Variants in UNC13C observed in about 807,000 individuals in gnomAD.
UNC13C encodes the protein unc-13 homolog C.
In UNC13C, 174 loss-of-function variants were observed where a neutral mutation model predicts 245.4. The observed-to-expected ratio is 0.71, with a 90% CI of 0.63 to 0.80. The LOEUF (loss-of-function observed/expected upper bound fraction) is 0.80, where lower values mean the gene tolerates loss of function less well. Ranked by LOEUF, UNC13C falls within the 30% of genes least tolerant of loss-of-function variation. The pLI is 0.00. For missense variants in UNC13C, 2,829 were observed against 2,602.9 expected (o/e 1.09, Z -1.89); for synonymous variants, 992 against 895.1 (o/e 1.11, Z -1.93).
intron 2 of UNC13C, among the ~76,000 whole-genome samples, chr15:54,039,565 A>G (rs1020872019): frequency 6.6e-6 from 1 of 151,916 alleles, no homozygotes; most frequent in Non-Finnish European, 1.5e-5. Flanking sequence ...CTAAGCCTGC[A>G]GTGTTCCAGG....
At chr15:54,115,479 G>A (rs1193216102) in intron 2 of UNC13C, among the ~76,000 whole-genome samples, 1 of 151,768 alleles carries the variant, frequency 6.6e-6, no homozygotes, top group Non-Finnish European at 1.5e-5. Flanking sequence ...ACACTTCACA[G>A]GTACCATTTT....
chr15:53,909,165 C>T, the UNC13C span, among the ~76,000 whole-genome samples: 8 of 146,688 alleles, frequency 5.5e-5, 1 homozygote, highest in Non-Finnish European at 1.1e-4. Context: ...CAGAGAAAAT[C>T]GCCATCGCTA....
At chr15:54,503,866 T>G (rs1894345178) in intron 22 of UNC13C, among the ~76,000 whole-genome samples, 1 of 152,132 alleles carries the variant, frequency 6.6e-6, no homozygotes, top group Admixed American at 6.6e-5. Context: ...AAAATCCCAT[T>G]ATCTTTATGG....
Position 54,294,068 on chromosome 15 carries a change from A to ATTT in UNC13C, c.3988+13_3988+15dup. On this transcript the variant is annotated splice_donor_region_variant and intron_variant, in intron 11 of 32. Coordinates refer to ENST00000260323, the MANE Select transcript of UNC13C (RefSeq NM_001080534.3). ...ATGGATGTCTGGTACAACTTAGGTG[A>ATTT]TTTTTTTTTTTATCTACTTGAAAAC... is the stretch of plus-strand genomic sequence containing the variant. 2.4e-6 allele frequency: 3 copies of ATTT among 1,226,406 alleles called. No homozygotes were observed. Among genetic ancestry groups the ATTT allele is most frequent in the Non-Finnish European group, 2.2e-6 (2 of 914,674 alleles). The allele number at this position is 1,226,406 out of a possible 1,614,324, so 76.0% of individuals were successfully genotyped here.
At position 54,338,378 on chromosome 15, in the gene UNC13C, C is replaced by T. The variant is rs747941013; in HGVS notation, c.4602C>T (p.Ser1534=). The change falls in exon 17 of 33, where the codon AGC becomes AGT. Residue 1534 remains serine (S), a synonymous_variant. Coordinates refer to ENST00000260323, the MANE Select transcript of UNC13C (RefSeq NM_001080534.3). The part of the protein sequence containing the change: ...FFRMKVLELQ[S]PPKASMVVKD... ...TTTGTCAGGTTCTGGAGCTGCAAAG[C>T]CCCCCAAAAGCGAGCATGGTGGTGA... The T allele has an allele frequency of 4.3e-6, 7 of 1,611,344 alleles. No individual in the cohort carries two copies. Among genetic ancestry groups the T allele is most frequent in the South Asian group, 3.3e-5 (3 of 90,676 alleles).
chr15:54,385,395 A>C (rs1308237059), intron 17 of UNC13C, among the ~76,000 whole-genome samples: 1 of 152,140 alleles, frequency 6.6e-6, no homozygotes, highest in African/African-American at 2.4e-5. Flanking sequence ...ATTTTCAGTC[A>C]CATGGGTGGA....
At chr15:54,064,169 G>T (rs976340558) in intron 2 of UNC13C, among the ~76,000 whole-genome samples, 5 of 151,842 alleles carry the variant, frequency 3.3e-5, no homozygotes, top group African/African-American at 1.2e-4. Context: ...AACCTATAAA[G>T]GTCAAGTGCA....
At chr15:54,568,309 C>A (rs747890369) in intron 30 of UNC13C, among the ~76,000 whole-genome samples, 2 of 152,160 alleles carry the variant, frequency 1.3e-5, no homozygotes, top group South Asian at 2.1e-4. Context: ...GTCTTGGTAT[C>A]TTCCAAAAAA....
At chr15:53,892,975 C>A in the UNC13C span, among the ~76,000 whole-genome samples, 4 of 152,084 alleles carry the variant, frequency 2.6e-5, no homozygotes, top group African/African-American at 7.2e-5. Flanking sequence ...AGTTTTCCGC[C>A]TTTTTGAGCT....
chr15:53,882,384 A>G, the UNC13C span, among the ~76,000 whole-genome samples: 33 of 152,110 alleles, frequency 2.2e-4, no homozygotes, highest in Non-Finnish European at 4.4e-4. Flanking sequence ...ATATATACCC[A>G]AAGTTTTTAT....
intron 2 of UNC13C, among the ~76,000 whole-genome samples, chr15:54,139,392 G>A (rs191097716): frequency 7.2e-5 from 11 of 152,192 alleles, no homozygotes; most frequent in Admixed American, 3.9e-4. Context: ...TGTACCAGAC[G>A]TTAGGACTTC....
Position 54,581,012 on chromosome 15 carries a change from C to A in UNC13C, c.6106+13065C>A, listed in dbSNP as rs1031513362. Among the ~76,000 whole-genome samples, 5 of 152,134 alleles carry A rather than the reference C, an allele frequency of 3.3e-5. No individual in the cohort carries two copies. In the East Asian group the frequency reaches 5.8e-4, roughly 18 times the overall value. ...AGGTATGTGACACCAGGGATAGATT[C>A]TTTGCTCCAAGAAGCTCATGATGAA... is the stretch of plus-strand genomic sequence containing the variant. On this transcript the variant is annotated intron_variant, in intron 30 of 32. Coordinates refer to ENST00000260323, the MANE Select transcript of UNC13C (RefSeq NM_001080534.3).
intron 2 of UNC13C, among the ~76,000 whole-genome samples, chr15:54,106,737 A>G (rs1343517799): frequency 5.3e-5 from 8 of 152,224 alleles, no homozygotes; most frequent in Admixed American, 1.3e-4. Context: ...GATACCTACT[A>G]TATGACTCAG....
At chr15:54,491,815 C>T (rs1287382793) in intron 19 of UNC13C, among the ~76,000 whole-genome samples, 3 of 151,976 alleles carry the variant, frequency 2.0e-5, no homozygotes, top group Non-Finnish European at 4.4e-5. Flanking sequence ...ATGGTGAAAC[C>T]CCGTCTCTAC....
At chr15:54,521,826 TA>T (rs1895227521) in intron 24 of UNC13C, among the ~76,000 whole-genome samples, 1 of 152,224 alleles carries the variant, frequency 6.6e-6, no homozygotes, top group Non-Finnish European at 1.5e-5. Flanking sequence ...ATGAAGATGA[TA>T]TAGGACTGCT....
At chr15:54,129,250 C>A (rs540187248) in intron 2 of UNC13C, among the ~76,000 whole-genome samples, 2 of 152,204 alleles carry the variant, frequency 1.3e-5, no homozygotes, top group African/African-American at 2.4e-5. Flanking sequence ...TGGCCAGATG[C>A]GTACATATGT....
chr15:54,464,646 T>G (rs1892069142), intron 19 of UNC13C, among the ~76,000 whole-genome samples: 1 of 152,120 alleles, frequency 6.6e-6, no homozygotes, highest in African/African-American at 2.4e-5. Flanking sequence ...AATTTTTATT[T>G]GAATAATTTT....
At chr15:54,587,636 G>A (rs1898563466) in intron 30 of UNC13C, among the ~76,000 whole-genome samples, 1 of 152,096 alleles carries the variant, frequency 6.6e-6, no homozygotes, top group Non-Finnish European at 1.5e-5. Flanking sequence ...CATCACTGGA[G>A]GCAGATGTTA....
intron 4 of UNC13C, among the ~76,000 whole-genome samples, chr15:54,192,078 C>G (rs2034203532): frequency 6.6e-6 from 1 of 152,050 alleles, no homozygotes; most frequent in African/African-American, 2.4e-5. Context: ...CTTTTGTTGC[C>G]ATTGCTTTTT....
Sources: allele counts gnomAD v4.1 joint callset (sites outside exome capture counted in the v4.1 genomes callset), GRCh38; gene constraint gnomAD v4.1.1; transcripts MANE v1.5; gene names NCBI Gene and HGNC (gene_info 2026-07-23, HGNC 2026-07-21).